Variants in LUC7L2 observed in about 807,000 individuals in gnomAD.
LUC7L2 encodes the protein LUC7 like 2, pre-mRNA splicing factor, also known as putative RNA-binding protein Luc7-like 2.
Under a neutral mutation model 52.8 loss-of-function variants are expected in LUC7L2, and 25 were observed. The ratio of observed to expected loss-of-function variants is 0.47; its 90% CI spans 0.34 to 0.66. The LOEUF is 0.66. Among genes scored for constraint, LUC7L2 ranks in the 30% least tolerant of loss-of-function variants. The pLI is 0.01. For synonymous variants in LUC7L2, 144 were observed against 160.9 expected, an observed-to-expected ratio of 0.89 and a Z score of 0.80; for missense variants, 328 against 497.8, an observed-to-expected ratio of 0.66 and a Z score of 3.25.
intron 1 of LUC7L2, among the ~76,000 whole-genome samples, chr7:139,352,351 TG>T (rs1426764386): frequency 6.6e-6 from 1 of 152,036 alleles, no homozygotes; most frequent in African/African-American, 2.4e-5. Flanking sequence ...AAAAATTAGC[TG>T]GGCATGGTGG....
intron 1 of LUC7L2, among the ~76,000 whole-genome samples, chr7:139,351,859 T>C (rs1245041211): frequency 6.6e-6 from 1 of 152,230 alleles, no homozygotes; most frequent in African/African-American, 2.4e-5. Flanking sequence ...GATGTATGAA[T>C]GCCTACTACA....
intron 2 of LUC7L2, among the ~76,000 whole-genome samples, chr7:139,379,077 G>A (rs1157052727): frequency 2.0e-5 from 3 of 152,174 alleles, no homozygotes; most frequent in Admixed American, 6.5e-5. Context: ...GGCTGGTCTT[G>A]AACTCTTGAC....
rs2131294780 is a variant in LUC7L2 at position 139,407,316 on chromosome 7, T to G, written c.653T>G (p.Phe218Cys). ...DHFGGKLHLGFIEIREKLEEL... is the reference protein window; with the variant it reads ...DHFGGKLHLGCIEIREKLEEL... ...TTTGGGGGTAAACTGCACCTGGGAT[T>G]TATTGAAATAAGAGAGAAGCTTGAA... The change falls in exon 6 of 10, where the codon TTT becomes TGT. Residue 218 changes from phenylalanine (F) to cysteine (C), a missense_variant. By Grantham distance (205) the Phe-to-Cys change is radical. This residue lies in a region of LUC7L2 where 133 missense variants were observed against 274.4 expected (regional missense o/e 0.48). Coordinates refer to ENST00000354926, the MANE Select transcript of LUC7L2 (RefSeq NM_016019.5). 6.2e-7 allele frequency: 1 copy of G among 1,610,160 alleles called. No homozygotes were observed. The highest frequency in any genetic ancestry group is 2.2e-5 in the East Asian group (1 of 44,794).
intron 5 of LUC7L2, among the ~76,000 whole-genome samples, chr7:139,406,754 TTCTCTTTTAATATCTGTAGAA>T (rs1258016826): frequency 6.6e-6 from 1 of 152,196 alleles, no homozygotes; most frequent in East Asian, 1.9e-4. Flanking sequence ...GTTCATAGTG[TTCTCTTTTAATATCTGTAGAA>T]TGTTTGCAAT....
intron 9 of LUC7L2, among the ~76,000 whole-genome samples, chr7:139,418,056 A>T (rs1795706544): frequency 6.6e-6 from 1 of 152,228 alleles, no homozygotes; most frequent in Non-Finnish European, 1.5e-5. Flanking sequence ...TCAGCAAATT[A>T]GGGGCTCTGA....
chr7:139,380,786 A>C (rs1800975038), intron 2 of LUC7L2, among the ~76,000 whole-genome samples: 1 of 152,168 alleles, frequency 6.6e-6, no homozygotes, highest in African/African-American at 2.4e-5. Flanking sequence ...TTTTTTCCTC[A>C]ACACATTTCT....
At chr7:139,395,807 A>AT (rs975695863) in intron 2 of LUC7L2, among the ~76,000 whole-genome samples, 9 of 151,778 alleles carry the variant, frequency 5.9e-5, no homozygotes, top group African/African-American at 2.2e-4. Flanking sequence ...TGCCTGGATA[A>AT]TTTTTTTCTT....
intron 9 of LUC7L2, among the ~76,000 whole-genome samples, chr7:139,420,789 C>G (rs754001334): frequency 4.0e-5 from 6 of 151,840 alleles, no homozygotes; most frequent in Non-Finnish European, 8.8e-5. Flanking sequence ...AATCACTAGA[C>G]TTGGCACTGT....
chr7:139,409,394 G>A (rs1010213420), intron 6 of LUC7L2, among the ~76,000 whole-genome samples, 169 bp from the exon 7 acceptor site: 4 of 151,732 alleles, frequency 2.6e-5, no homozygotes, highest in African/African-American at 9.7e-5. Context: ...ATTATGGAAA[G>A]AAGACTTGTA....
chr7:139,357,410 G>A (rs1162423190), upstream of LUC7L2, among the ~76,000 whole-genome samples: 2 of 151,992 alleles, frequency 1.3e-5, no homozygotes, highest in African/African-American at 4.8e-5. Flanking sequence ...CCAATTATAT[G>A]CTGTTTATAA....
intron 4 of LUC7L2, among the ~76,000 whole-genome samples, chr7:139,404,810 T>C (rs1795050938): frequency 6.6e-6 from 1 of 152,220 alleles, no homozygotes; most frequent in Non-Finnish European, 1.5e-5. Flanking sequence ...ATTTTCTCAT[T>C]TCTCACAACT....
chr7:139,421,013 C>T (rs1484164118), intron 9 of LUC7L2, among the ~76,000 whole-genome samples: 1 of 152,136 alleles, frequency 6.6e-6, no homozygotes, highest in Non-Finnish European at 1.5e-5. Flanking sequence ...GTTGGCTAGG[C>T]TGGTCTTGAA....
At chr7:139,405,392 A>T (rs1265187797) in intron 4 of LUC7L2, among the ~76,000 whole-genome samples, 3 of 152,202 alleles carry the variant, frequency 2.0e-5, no homozygotes, top group Non-Finnish European at 4.4e-5. Flanking sequence ...ATTTTACACT[A>T]GGAATACACC....
intron 1 of LUC7L2, among the ~76,000 whole-genome samples, chr7:139,364,082 T>G (rs1420007865): frequency 6.7e-6 from 1 of 149,238 alleles, no homozygotes; most frequent in Non-Finnish European, 1.5e-5. Flanking sequence ...CCTCCTGGGT[T>G]CGAGTGATTC....
intron 1 of LUC7L2, among the ~76,000 whole-genome samples, chr7:139,370,612 A>G (rs540439026): frequency 6.6e-6 from 1 of 152,116 alleles, no homozygotes; most frequent in Non-Finnish European, 1.5e-5. Flanking sequence ...GTGCCACTAC[A>G]CCCAGCTAAT....
intron 1 of LUC7L2, among the ~76,000 whole-genome samples, chr7:139,367,172 A>G (rs7799623): frequency 0.39 from 58,449 of 151,814 alleles, 15,726 homozygotes; most frequent in African/African-American, 0.77. Context: ...AGGTTTTGCC[A>G]TGTTGGCCAG....
In LUC7L2 at chr7:139,409,601, A is replaced by G; in HGVS notation, c.726A>G (p.Glu242=). The G allele has an allele frequency of 6.2e-7, 1 of 1,611,524 alleles. No homozygotes were observed. Among genetic ancestry groups the G allele is most frequent in the South Asian group, 1.1e-5 (1 of 90,718 alleles). ...VAEKQEKRNQ[E]RLKRREERER... ...AGAAGCAGGAGAAAAGAAACCAGGAACGGCTGAAACGAAGAGAAGAGAGAG... is the reference window on the plus strand; with the variant it reads ...AGAAGCAGGAGAAAAGAAACCAGGAGCGGCTGAAACGAAGAGAAGAGAGAG... Residue 242 remains glutamate (E), a synonymous_variant, in exon 7 of 10, where the codon GAA becomes GAG. Coordinates refer to ENST00000354926, the MANE Select transcript of LUC7L2 (RefSeq NM_016019.5).
chr7:139,398,853 T>A (rs1794774172), intron 3 of LUC7L2, among the ~76,000 whole-genome samples, 156 bp downstream of exon 3: 2 of 152,180 alleles, frequency 1.3e-5, no homozygotes, highest in African/African-American at 4.8e-5. Context: ...TCTTGACAAC[T>A]CTTTTAAAAA....
intron 2 of LUC7L2, among the ~76,000 whole-genome samples, chr7:139,387,657 T>C (rs1334389473): frequency 1.3e-5 from 2 of 152,210 alleles, no homozygotes; most frequent in African/African-American, 4.8e-5. Context: ...GCAAAACTTG[T>C]GGTGGTTCTG....
Sources: gnomAD v4.1 joint callset for allele counts (sites outside exome capture counted in the v4.1 genomes callset) on GRCh38, gnomAD v4.1.1 for gene constraint, gnomAD v4.1.1 regional missense constraint, MANE v1.5 for transcripts, NCBI Gene and HGNC (gene_info 2026-07-23, HGNC 2026-07-21) for gene names.